The following GPHN variants were observed in gnomAD, a reference collection of about 807,000 sequenced individuals.
GPHN encodes the protein gephyrin.
Under a neutral mutation model 95.5 loss-of-function variants are expected in GPHN, and 17 were observed. The observed-to-expected ratio is 0.18, with a 90% CI of 0.12 to 0.27. The LOEUF (loss-of-function observed/expected upper bound fraction) is 0.27, where lower values mean the gene tolerates loss of function less well. Ranked by LOEUF, GPHN falls within the 10% of genes least tolerant of loss-of-function variation. GPHN has a pLI of 1.00. For synonymous variants in GPHN, 320 were observed against 322.5 expected, an observed-to-expected ratio of 0.99 and a Z score of 0.08; for missense variants, 660 against 978.1, an observed-to-expected ratio of 0.67 and a Z score of 4.34.
At chr14:67,198,146 T>C in the GPHN span, 1 of 1,607,036 alleles carries the variant, frequency 6.2e-7, no homozygotes, top group Non-Finnish European at 8.5e-7. Flanking sequence ...TTTTTTTATG[T>C]TTATGTGCAA....
intron 21 of GPHN, among the ~76,000 whole-genome samples, chr14:67,178,159 A>G (rs1434979715): frequency 1.3e-5 from 2 of 152,306 alleles, no homozygotes; most frequent in Middle Eastern, 3.4e-3. Context: ...CATAGCATCA[A>G]TGATCTTTAC....
At chr14:66,893,663 A>G (rs1299481118) in intron 5 of GPHN, among the ~76,000 whole-genome samples, 4 of 152,232 alleles carry the variant, frequency 2.6e-5, no homozygotes, top group African/African-American at 9.6e-5. Flanking sequence ...ACTTCAGCAA[A>G]GTCTTAGGAT....
intron 3 of GPHN, among the ~76,000 whole-genome samples, chr14:66,816,816 A>G (rs1039821212): frequency 5.9e-5 from 9 of 152,166 alleles, no homozygotes; most frequent in Non-Finnish European, 1.0e-4. Flanking sequence ...GCTGAACTCA[A>G]AGAGATTGAG....
At chr14:66,672,413 A>G (rs2066348373) in intron 1 of GPHN, among the ~76,000 whole-genome samples, 2 of 152,204 alleles carry the variant, frequency 1.3e-5, no homozygotes, top group African/African-American at 2.4e-5. Flanking sequence ...AATAGATGAG[A>G]GTATATCAAA....
intron 10 of GPHN, among the ~76,000 whole-genome samples, chr14:67,028,871 T>C (rs1258104712): frequency 6.6e-6 from 1 of 152,202 alleles, no homozygotes; most frequent in Non-Finnish European, 1.5e-5. Context: ...CAGTTTGATA[T>C]AGTCTCATTT....
chr14:66,894,908 T>A (rs539455506), intron 5 of GPHN, among the ~76,000 whole-genome samples: 1 of 152,314 alleles, frequency 6.6e-6, no homozygotes, highest in East Asian at 1.9e-4. Flanking sequence ...ACACTGTTGG[T>A]GGGACTGTAA....
intron 2 of GPHN, among the ~76,000 whole-genome samples, chr14:66,762,087 G>T (rs372000919): frequency 6.6e-6 from 1 of 151,202 alleles, no homozygotes; most frequent in Non-Finnish European, 1.5e-5. Context: ...GAATTTATGG[G>T]TACGCCATCT....
the GPHN span, among the ~76,000 whole-genome samples, chr14:67,287,103 A>T: frequency 2.0e-5 from 3 of 152,026 alleles, no homozygotes; most frequent in Admixed American, 1.3e-4. Flanking sequence ...CTGTAGTCCC[A>T]GCTACTGGGG....
the GPHN span, among the ~76,000 whole-genome samples, chr14:67,420,313 G>A: frequency 1.3e-5 from 2 of 152,192 alleles, no homozygotes; most frequent in South Asian, 2.1e-4. Context: ...GCTGCCCGCC[G>A]CTAGGTGGAG....
chr14:67,573,918 A>C, the GPHN span: 8 of 1,516,838 alleles, frequency 5.3e-6, no homozygotes, highest in African/African-American at 5.5e-5. This position sits in a 1 kb window ranked among gnomAD's most constrained non-coding sequence, Gnocchi z 4.8. Context: ...TAGTATTTTA[A>C]ACAGAAGAGG....
chr14:67,171,846 G>A (rs753296564), intron 21 of GPHN, among the ~76,000 whole-genome samples: 68 of 152,172 alleles, frequency 4.5e-4, no homozygotes, highest in African/African-American at 1.1e-3. Flanking sequence ...GATCAGCTGG[G>A]AACCAGGAAG....
chr14:67,380,754 A>G, the GPHN span: 3 of 1,522,772 alleles, frequency 2.0e-6, no homozygotes, highest in African/African-American at 1.4e-5. Flanking sequence ...CAGGCTGTCA[A>G]AATTCGAGCA....
At chr14:67,066,374 T>G (rs756982055) in intron 11 of GPHN, among the ~76,000 whole-genome samples, 47 of 152,284 alleles carry the variant, frequency 3.1e-4, no homozygotes, top group Non-Finnish European at 5.7e-4. Context: ...TTTCCTTCAT[T>G]TCAACCTTGG....
chr14:66,859,874 A>C (rs946081458), intron 4 of GPHN, among the ~76,000 whole-genome samples: 2 of 152,186 alleles, frequency 1.3e-5, no homozygotes, highest in Admixed American at 1.3e-4. Context: ...AGAATCGATC[A>C]ATCAGAAGAA....
the GPHN span, among the ~76,000 whole-genome samples, chr14:67,417,701 G>A: frequency 3.7e-4 from 56 of 151,444 alleles, no homozygotes; most frequent in African/African-American, 1.3e-3. Context: ...AAAGTGTTGG[G>A]GTTATAGGCA....
chr14:67,660,358 G>A, the GPHN span, among the ~76,000 whole-genome samples: 1 of 152,116 alleles, frequency 6.6e-6, no homozygotes, highest in African/African-American at 2.4e-5. Context: ...GCCGAGGCAG[G>A]AGGATCACTT....
chr14:67,118,769 G>A (rs2078845345), intron 16 of GPHN, among the ~76,000 whole-genome samples: 1 of 152,126 alleles, frequency 6.6e-6, no homozygotes, highest in African/African-American at 2.4e-5. Context: ...GGGGTCGCGG[G>A]GGGAGTTACC....
At chr14:67,214,567 A>G in the GPHN span, among the ~76,000 whole-genome samples, 13 of 152,294 alleles carry the variant, frequency 8.5e-5, no homozygotes, top group South Asian at 2.1e-3. Context: ...TGGTTACTGT[A>G]GCCTTGTAGT....
chr14:67,196,374 G>A, the GPHN span, among the ~76,000 whole-genome samples: 13 of 151,882 alleles, frequency 8.6e-5, no homozygotes, highest in Non-Finnish European at 1.8e-4. Flanking sequence ...CTGTCACCAT[G>A]CCAGGCTAAT....
Sources: allele counts gnomAD v4.1 joint callset (sites outside exome capture counted in the v4.1 genomes callset), GRCh38; gene constraint gnomAD v4.1.1; non-coding constraint Gnocchi (gnomAD v3.1); transcripts MANE v1.5; gene names NCBI Gene and HGNC (gene_info 2026-07-23, HGNC 2026-07-21).